RAB11A: variants seen among roughly 807,000 people sequenced by gnomAD.
RAB11A encodes the protein ras-related protein Rab-11A.
A neutral mutation model predicts 28.0 loss-of-function variants in RAB11A; 9 were observed. That is an observed-to-expected ratio of 0.32 (90% CI 0.19 to 0.56). The LOEUF is 0.56. RAB11A is among the 20% of genes least tolerant of loss of function. RAB11A has a pLI of 0.91. For missense variants in RAB11A, 108 were observed against 269.6 expected (o/e 0.40, Z 4.20); for synonymous variants, 85 against 88.2 (o/e 0.96, Z 0.20).
At chr15:65,873,543 ATATC>A (rs900367493) in intron 1 of RAB11A, among the ~76,000 whole-genome samples, 2 of 151,982 alleles carry the variant, frequency 1.3e-5, no homozygotes, top group Non-Finnish European at 2.9e-5. Flanking sequence ...CATTATATCT[ATATC>A]TATATCTATA....
intron 1 of RAB11A, among the ~76,000 whole-genome samples, chr15:65,872,534 A>G (rs565372886): frequency 1.3e-3 from 196 of 150,594 alleles, no homozygotes; most frequent in Non-Finnish European, 2.4e-3. Context: ...TCCTGGGTTC[A>G]AGCGATTTTC....
intron 4 of RAB11A, among the ~76,000 whole-genome samples, chr15:65,881,717 G>C (rs1258329421): frequency 6.6e-6 from 1 of 152,014 alleles, no homozygotes; most frequent in Admixed American, 6.6e-5. Flanking sequence ...TGGGCATGTT[G>C]ATGCACGCCT....
intron 4 of RAB11A, among the ~76,000 whole-genome samples, chr15:65,887,177 CTTTT>C (rs35164022): frequency 2.1e-5 from 3 of 141,330 alleles, no homozygotes; most frequent in Non-Finnish European, 4.7e-5. Context: ...TGGCTTACCT[CTTTT>C]TTTTTTTTTT....
intron 4 of RAB11A, among the ~76,000 whole-genome samples, chr15:65,882,959 TA>T (rs1191828401): frequency 2.0e-5 from 3 of 152,260 alleles, no homozygotes; most frequent in Admixed American, 6.5e-5. Flanking sequence ...GTTAATATTT[TA>T]CCACATCTGC....
rs1213446865 is a variant in RAB11A, at chr15:65,891,725, T to C, written c.*3885T>C. The C allele has an allele frequency of 6.6e-6, 1 of 152,260 alleles. No homozygotes were observed. The highest frequency in any genetic ancestry group is 1.5e-5 in the Non-Finnish European group (1 of 68,042). 9.4% of individuals were successfully genotyped at this position (152,260 alleles called of 1,614,324 possible). On this transcript the variant is annotated 3_prime_UTR_variant, in exon 5 of 5. Coordinates refer to ENST00000261890, the MANE Select transcript of RAB11A (RefSeq NM_004663.5). ...TGTTTTTGGTCTTATCACAATAACC[T>C]GATTAAAATGGTGCCTTTATTTCCA...
At position 65,881,950 on chromosome 15, in the gene RAB11A, C is replaced by A. The variant is rs192453433; in HGVS notation, c.511+2199C>A. On this transcript the variant is annotated intron_variant, in intron 4 of 4. Transcript: ENST00000261890. ...GTAGTGTGTGCGCCTGTAGTCCCAG[C>A]TGAGGTGGGAGGATTGCTTGAGCCT... Among the ~76,000 whole-genome samples the A allele has an allele frequency of 9.0e-4, 136 of 150,432 alleles. 2 individuals carry two copies. Among genetic ancestry groups the A allele is most frequent in the Admixed American group, 3.4e-3 (51 of 15,112 alleles).
At chr15:65,875,238 A>C (rs572905533) in intron 1 of RAB11A, among the ~76,000 whole-genome samples, 10 of 151,834 alleles carry the variant, frequency 6.6e-5, no homozygotes, top group South Asian at 2.1e-4. Context: ...GTGCCTGTCT[A>C]ATTTTTTTGT....
chr15:65,882,548 G>A (rs2078229381), intron 4 of RAB11A, among the ~76,000 whole-genome samples: 1 of 152,164 alleles, frequency 6.6e-6, no homozygotes, highest in African/African-American at 2.4e-5. Flanking sequence ...CAAAGTGCTG[G>A]GATTATAGGC....
intron 4 of RAB11A, among the ~76,000 whole-genome samples, chr15:65,881,505 C>T (rs1338555171): frequency 6.6e-6 from 1 of 152,166 alleles, no homozygotes; most frequent in Non-Finnish European, 1.5e-5. Flanking sequence ...ACTTTTTAGA[C>T]AGTCCTCATT....
rs776880248 is a variant in RAB11A, at chr15:65,879,665, C to G, written c.431-6C>G. ...AACAAGACTGAACTTTTGTGTCTCC[C>G]CTCAGAAAAGAATGGTTTGTCATTC... is the stretch of plus-strand genomic sequence containing the variant. On this transcript the variant is annotated splice_region_variant and splice_polypyrimidine_tract_variant and intron_variant, in intron 3 of 4. Transcript: ENST00000261890. 1 of 1,577,972 alleles carries G rather than the reference C, an allele frequency of 6.3e-7. No homozygotes were observed. Among genetic ancestry groups the G allele is most frequent in the Non-Finnish European group, 8.7e-7 (1 of 1,149,922 alleles).
chr15:65,875,673 G>T (rs753777756), intron 1 of RAB11A, among the ~76,000 whole-genome samples: 17 of 152,198 alleles, frequency 1.1e-4, no homozygotes, highest in Admixed American at 2.0e-4. Flanking sequence ...GACTGAGAAA[G>T]CCAGAAAGAT....
intron 4 of RAB11A, among the ~76,000 whole-genome samples, chr15:65,880,572 T>TA (rs1218466813): frequency 6.6e-6 from 1 of 152,200 alleles, no homozygotes; most frequent in East Asian, 1.9e-4. Context: ...AGTTTCCAAT[T>TA]ATAATGTAAC....
At chr15:65,886,423 T>C (rs781049159) in intron 4 of RAB11A, among the ~76,000 whole-genome samples, 6 of 152,234 alleles carry the variant, frequency 3.9e-5, no homozygotes, top group Non-Finnish European at 8.8e-5. Flanking sequence ...GTTTTAAATA[T>C]TTTTGTCAGG....
intron 1 of RAB11A, among the ~76,000 whole-genome samples, chr15:65,872,929 A>G (rs913693508): frequency 2.0e-5 from 3 of 152,178 alleles, no homozygotes; most frequent in African/African-American, 7.2e-5. Flanking sequence ...AGCTGTTTCT[A>G]CTTAGAAGGT....
chr15:65,869,733 G>C, intron 1 of RAB11A, 108 bp downstream of exon 1: 1 of 1,194,342 alleles, frequency 8.4e-7, no homozygotes, highest in Non-Finnish European at 1.2e-6. Flanking sequence ...GCCTCCCTCA[G>C]CCCTTCCTTT....
intron 4 of RAB11A, 134 bp downstream of exon 4, chr15:65,879,885 G>A (rs2078211870): frequency 1.6e-6 from 1 of 632,240 alleles, no homozygotes; most frequent in Non-Finnish European, 2.6e-6. Context: ...AGCAAAAGCT[G>A]TTTAGAGTGC....
intron 4 of RAB11A, among the ~76,000 whole-genome samples, chr15:65,881,878 A>T (rs1338658244): frequency 5.1e-5 from 3 of 58,478 alleles, no homozygotes; most frequent in East Asian, 1.9e-3. Flanking sequence ...CCCTGTCTCT[A>T]AAAAAAAAAA....
intron 1 of RAB11A, among the ~76,000 whole-genome samples, chr15:65,876,202 A>G (rs985447212): frequency 6.6e-6 from 1 of 152,232 alleles, no homozygotes; most frequent in Non-Finnish European, 1.5e-5. Context: ...GCCTATAGAA[A>G]TCACAGGAAG....
At chr15:65,887,583 C>A in intron 4 of RAB11A, 118 bp from the exon 5 acceptor site, 1 of 955,856 alleles carries the variant, frequency 1.0e-6, no homozygotes, top group Non-Finnish European at 1.5e-6. Flanking sequence ...TTTATGTATT[C>A]TCTGTTCAGT....
Sources: allele counts gnomAD v4.1 joint callset (sites outside exome capture counted in the v4.1 genomes callset), GRCh38; gene constraint gnomAD v4.1.1; transcripts MANE v1.5; gene names NCBI Gene and HGNC (gene_info 2026-07-23, HGNC 2026-07-21).